ARMC9: variants seen among roughly 807,000 people sequenced by gnomAD.
The protein encoded by ARMC9 is armadillo repeat containing 9, also known as lisH domain-containing protein ARMC9.
A neutral mutation model predicts 107.0 loss-of-function variants in ARMC9; 94 were observed. That is an observed-to-expected ratio of 0.88 (90% CI 0.74 to 1.04). The LOEUF (loss-of-function observed/expected upper bound fraction) is 1.04. Ranked by LOEUF, ARMC9 falls within the 50% of genes least tolerant of loss-of-function variation. ARMC9 has a pLI of 0.00. For synonymous variants in ARMC9, 380 were observed against 396.9 expected, an observed-to-expected ratio of 0.96 and a Z score of 0.51; for missense variants, 942 against 1,030.1, an observed-to-expected ratio of 0.91 and a Z score of 1.17.
At position 231,226,767 on chromosome 2, in the gene ARMC9, A is replaced by T. The variant is rs766901087; in HGVS notation, c.598-7A>T. Reference sequence around the variant, plus strand: ...GCCTGTTTTCCTGAACTTCTTTTTCATCCCAGAAGGAGAATGGACAAAGTA... The same window carrying T: ...GCCTGTTTTCCTGAACTTCTTTTTCTTCCCAGAAGGAGAATGGACAAAGTA... On this transcript the variant is annotated splice_polypyrimidine_tract_variant and splice_region_variant and intron_variant, in intron 6 of 24. Transcript: ENST00000611582. 1 of 1,613,686 alleles carries T rather than the reference A, an allele frequency of 6.2e-7. No homozygotes were observed.
At chr2:231,258,047 G>T (rs766836674) in intron 10 of ARMC9, among the ~76,000 whole-genome samples, 7 of 152,144 alleles carry the variant, frequency 4.6e-5, no homozygotes, top group Non-Finnish European at 8.8e-5. Flanking sequence ...TGGCTCCCCA[G>T]AGGTCTTTGG....
At chr2:231,365,381 A>G (rs1197940049) in intron 23 of ARMC9, among the ~76,000 whole-genome samples, 5 of 152,136 alleles carry the variant, frequency 3.3e-5, no homozygotes, top group Non-Finnish European at 7.4e-5. Context: ...GAGCCATAAA[A>G]TGCCTCGGGA....
At chr2:231,287,261 A>G (rs1342489635) in intron 17 of ARMC9, among the ~76,000 whole-genome samples, 1 of 152,256 alleles carries the variant, frequency 6.6e-6, no homozygotes, top group African/African-American at 2.4e-5. Context: ...GCTGCTCCCC[A>G]CCCAACAGAA....
chr2:231,254,143 A>T (rs2037543466), intron 9 of ARMC9, among the ~76,000 whole-genome samples: 1 of 152,216 alleles, frequency 6.6e-6, no homozygotes, highest in African/African-American at 2.4e-5. Context: ...TTCCAGAAGG[A>T]TGAAATCTCT....
rs977219294 is a variant in ARMC9, at chr2:231,276,573, T to C, written c.1335-63T>C. The C allele has an allele frequency of 7.5e-6, 12 of 1,606,148 alleles. No homozygotes were observed. In the East Asian group the frequency reaches 2.7e-4, roughly 36 times the overall value. ...GCATGAGCCACTGCTTCCAGCCTAC[T>C]GTTTCCTCTTATATGAAAAGTTTCT... On this transcript the variant is annotated intron_variant, in intron 14 of 24. Transcript: ENST00000611582.
Position 231,360,643 on chromosome 2 carries a change from G to A in ARMC9, c.2132-111G>A, listed in dbSNP as rs994544229. 1.3e-6 allele frequency: 2 copies of A among 1,497,246 alleles called. No individual in the cohort carries two copies. The highest frequency in any genetic ancestry group is 2.8e-5 in the African/African-American group (2 of 72,072). 92.7% of individuals were successfully genotyped at this position (1,497,246 alleles called of 1,614,324 possible). A position where few individuals can be genotyped will look rare whatever the true frequency, so the allele number is the denominator to read the frequency against. On this transcript the variant is annotated intron_variant, in intron 22 of 24. Transcript: ENST00000611582. The surrounding 1 kb of genome is among the most constrained non-coding windows in gnomAD (Gnocchi z 4.7). ...CCACAGGCGCCAGGGAGCCCGCAGG[G>A]CCTGGCCTGGGGTGCGTGCTTTTCT...
At chr2:231,329,281 G>T (rs751017593) in intron 19 of ARMC9, among the ~76,000 whole-genome samples, 2 of 151,966 alleles carry the variant, frequency 1.3e-5, no homozygotes, top group Non-Finnish European at 2.9e-5. Context: ...ACGAGGTGTG[G>T]TTCTGTATTT....
intron 17 of ARMC9, among the ~76,000 whole-genome samples, chr2:231,287,123 G>C (rs2040649756): frequency 6.6e-6 from 1 of 152,230 alleles, no homozygotes. Flanking sequence ...GCTGGGCTTA[G>C]AAGCCACTCA....
At chr2:231,256,929 G>A (rs10181602) in intron 10 of ARMC9, among the ~76,000 whole-genome samples, 3 of 151,914 alleles carry the variant, frequency 2.0e-5, no homozygotes, top group African/African-American at 4.8e-5. Flanking sequence ...GGGTTCAAGC[G>A]ATTGTCCTGC....
At chr2:231,328,974 C>T (rs375516985) in intron 19 of ARMC9, among the ~76,000 whole-genome samples, 6 of 151,570 alleles carry the variant, frequency 4.0e-5, no homozygotes, top group South Asian at 4.2e-4. Context: ...ACCACCACGG[C>T]GGGCTACTTT....
intron 5 of ARMC9, among the ~76,000 whole-genome samples, chr2:231,219,124 C>T (rs2033844615): frequency 6.8e-6 from 1 of 147,244 alleles, no homozygotes; most frequent in South Asian, 2.1e-4. Context: ...CTTCATTCAT[C>T]CCCTTCACAA....
chr2:231,340,887 AAAAC>A (rs567651846), intron 20 of ARMC9, among the ~76,000 whole-genome samples: 55 of 152,056 alleles, frequency 3.6e-4, no homozygotes, highest in East Asian at 1.5e-3. Flanking sequence ...GCTCCGTCTC[AAAAC>A]AAACAAACAA....
intron 14 of ARMC9, among the ~76,000 whole-genome samples, chr2:231,276,324 G>A (rs1017893346): frequency 1.3e-5 from 2 of 151,128 alleles, no homozygotes; most frequent in East Asian, 3.9e-4. Context: ...AGGCTGGAGT[G>A]CAGTGGTACG....
intron 6 of ARMC9, among the ~76,000 whole-genome samples, chr2:231,225,805 G>A (rs2034585566): frequency 6.6e-6 from 1 of 152,186 alleles, no homozygotes; most frequent in Non-Finnish European, 1.5e-5. Flanking sequence ...TGTAGTGATG[G>A]TTGCATAACT....
At chr2:231,355,974 G>T in intron 22 of ARMC9, 40 bp downstream of exon 22, 1 of 1,520,248 alleles carries the variant, frequency 6.6e-7, no homozygotes, top group Non-Finnish European at 8.8e-7. Context: ...TTCTGGGATT[G>T]TGATGTCTAG....
At chr2:231,266,919 G>A (rs1363698751) in intron 12 of ARMC9, among the ~76,000 whole-genome samples, 2 of 152,314 alleles carry the variant, frequency 1.3e-5, no homozygotes, top group South Asian at 2.1e-4. Context: ...GTGTTAATCC[G>A]CTCCTTGCTT....
intron 3 of ARMC9, among the ~76,000 whole-genome samples, chr2:231,210,805 G>A (rs1219054781): frequency 2.6e-5 from 4 of 152,324 alleles, no homozygotes; most frequent in South Asian, 2.1e-4. Flanking sequence ...CTATTCTTAT[G>A]TGTACAGTTC....
intron 23 of ARMC9, among the ~76,000 whole-genome samples, chr2:231,368,234 C>T (rs1411051552): frequency 6.6e-6 from 1 of 152,084 alleles, no homozygotes; most frequent in East Asian, 1.9e-4. Flanking sequence ...GTGAAAAAAG[C>T]ATCAGCAAAG....
At chr2:231,253,265 C>T (rs959790572) in intron 9 of ARMC9, among the ~76,000 whole-genome samples, 1 of 152,104 alleles carries the variant, frequency 6.6e-6, no homozygotes, top group Non-Finnish European at 1.5e-5. Flanking sequence ...AGGTTTGTGC[C>T]ACCACGCCCA....
Sources: gnomAD v4.1 joint callset for allele counts (sites outside exome capture counted in the v4.1 genomes callset) on GRCh38, gnomAD v4.1.1 for gene constraint, Gnocchi (gnomAD v3.1) non-coding constraint, MANE v1.5 for transcripts, NCBI Gene and HGNC (gene_info 2026-07-23, HGNC 2026-07-21) for gene names.